Variants in TBL1XR1 observed in about 807,000 individuals in gnomAD.
The protein encoded by TBL1XR1 is F-box-like/WD repeat-containing protein TBL1XR1.
A neutral mutation model predicts 66.9 loss-of-function variants in TBL1XR1; 5 were observed. The ratio of observed to expected loss-of-function variants is 0.07; its 90% CI spans 0.04 to 0.16. TBL1XR1 has a LOEUF of 0.16. TBL1XR1 is among the 10% of genes least tolerant of loss of function. The pLI, the probability that TBL1XR1 is intolerant of heterozygous loss-of-function variation, is 1.00. For synonymous variants in TBL1XR1, 210 were observed against 206.0 expected (o/e 1.02, Z -0.17); for missense variants, 238 against 623.2 (o/e 0.38, Z 6.58).
At chr3:177,195,154 T>G (rs1223089813) in intron 1 of TBL1XR1, among the ~76,000 whole-genome samples, 1 of 152,070 alleles carries the variant, frequency 6.6e-6, no homozygotes, top group Non-Finnish European at 1.5e-5. Context: ...TTTATGAATT[T>G]AATGATTGCG....
intron 2 of TBL1XR1, among the ~76,000 whole-genome samples, chr3:177,080,949 T>C (rs28695188): frequency 0.016 from 2,505 of 152,318 alleles, 89 homozygotes; most frequent in East Asian, 0.058. Flanking sequence ...TTCAAGGATA[T>C]GAGAACCAGT....
chr3:177,065,030 T>C lies in TBL1XR1; in HGVS notation c.-45-8A>G. On this transcript the variant is annotated splice_polypyrimidine_tract_variant and splice_region_variant and intron_variant, in intron 2 of 15. Coordinates refer to ENST00000457928, the MANE Select transcript of TBL1XR1 (RefSeq NM_024665.7). ...ACAACACAGGATATAACCCTAAAAA[T>C]AAAACAAAGTTAATTATTTTCTCAG... 2 of 1,384,396 alleles carry C rather than the reference T, an allele frequency of 1.4e-6. No individual in the cohort carries two copies. The highest frequency in any genetic ancestry group is 1.6e-5 in the South Asian group (1 of 62,188). The allele number at this position is 1,384,396 out of a possible 1,614,324, so 85.8% of individuals were successfully genotyped here. A position where few individuals can be genotyped will look rare whatever the true frequency, so the allele number is the denominator to read the frequency against.
At chr3:177,041,993 C>T (rs1715649904) in intron 10 of TBL1XR1, among the ~76,000 whole-genome samples, 2 of 152,112 alleles carry the variant, frequency 1.3e-5, no homozygotes, top group Admixed American at 6.5e-5. Context: ...CTCTTGGTTA[C>T]CTCCTATTCC....
intron 1 of TBL1XR1, among the ~76,000 whole-genome samples, chr3:177,152,493 G>A (rs1000237415): frequency 3.9e-5 from 6 of 152,230 alleles, no homozygotes; most frequent in Admixed American, 1.3e-4. Flanking sequence ...CGCCATTTTG[G>A]CCAGGCTTGT....
intron 3 of TBL1XR1, among the ~76,000 whole-genome samples, chr3:177,062,389 T>TG (rs1271321547): frequency 1.3e-5 from 2 of 152,212 alleles, no homozygotes; most frequent in Non-Finnish European, 2.9e-5. Context: ...AAGAATCACC[T>TG]GGGGCATTTG....
chr3:177,039,779 A>G (rs1003207554), intron 10 of TBL1XR1, among the ~76,000 whole-genome samples: 29 of 152,292 alleles, frequency 1.9e-4, no homozygotes, highest in African/African-American at 6.5e-4. Flanking sequence ...ATGGGGGAGG[A>G]GGGGATCAAA....
At chr3:177,044,398 AGATAT>A (rs1481617278) in intron 10 of TBL1XR1, among the ~76,000 whole-genome samples, 3 of 152,196 alleles carry the variant, frequency 2.0e-5, no homozygotes, top group African/African-American at 7.2e-5. Context: ...CAGTTGAATA[AGATAT>A]ATTTTGTATA....
intron 2 of TBL1XR1, among the ~76,000 whole-genome samples, chr3:177,072,328 T>C (rs7609876): frequency 0.24 from 35,838 of 152,080 alleles, 4,543 homozygotes; most frequent in East Asian, 0.5. Context: ...ATTACTAAGA[T>C]ATTACTTGCA....
chr3:177,188,558 TTACTC>T (rs1735725858), intron 1 of TBL1XR1, among the ~76,000 whole-genome samples: 2 of 151,870 alleles, frequency 1.3e-5, no homozygotes, highest in South Asian at 2.1e-4. Flanking sequence ...AAAAAAGAAA[TTACTC>T]TATTAAGATA....
At chr3:177,115,644 CTA>C (rs1726219608) in intron 1 of TBL1XR1, among the ~76,000 whole-genome samples, 1 of 152,128 alleles carries the variant, frequency 6.6e-6, no homozygotes, top group Non-Finnish European at 1.5e-5. Context: ...ACTTTGAGGT[CTA>C]CAGCCCAAAT....
chr3:177,157,571 T>C (rs570750857), intron 1 of TBL1XR1, among the ~76,000 whole-genome samples: 1 of 152,350 alleles, frequency 6.6e-6, no homozygotes, highest in South Asian at 2.1e-4. Flanking sequence ...CATCACTCTC[T>C]GCATCAAGGC....
chr3:177,179,376 A>T (rs1280662760), intron 1 of TBL1XR1, among the ~76,000 whole-genome samples: 1 of 152,226 alleles, frequency 6.6e-6, no homozygotes, highest in African/African-American at 2.4e-5. Context: ...TGTTGTACTG[A>T]CATAATTCTC....
At chr3:177,188,976 G>A (rs183364112) in intron 1 of TBL1XR1, among the ~76,000 whole-genome samples, 7 of 152,312 alleles carry the variant, frequency 4.6e-5, no homozygotes, top group Admixed American at 3.3e-4. Flanking sequence ...GGGAGGCCGA[G>A]GCGGGTGGAT....
chr3:177,051,400 G>C, intron 5 of TBL1XR1, 104 bp downstream of exon 5: 1 of 994,092 alleles, frequency 1.0e-6, no homozygotes, highest in Non-Finnish European at 1.5e-6. Context: ...CCTGTGATAT[G>C]AGTTCATCTA....
rs1458141742 is a variant in TBL1XR1 at position 177,023,888 on chromosome 3, T to A, written c.*1610A>T. On this transcript the variant is annotated 3_prime_UTR_variant, in exon 16 of 16. Transcript: ENST00000457928. The stretch of plus-strand genomic sequence containing the variant: ...TTCCTTAATTAAAATCTTCGAGATA[T>A]AAATTTGATGACTATTCTCTTCAGA... 6.6e-6 allele frequency: 1 copy of A among 152,090 alleles called. No individual in the cohort carries two copies. Among genetic ancestry groups the A allele is most frequent in the Non-Finnish European group, 1.5e-5 (1 of 67,920 alleles). The allele number at this position is 152,090 out of a possible 1,614,324, so 9.4% of individuals were successfully genotyped here.
chr3:177,151,406 T>G (rs1730870992), intron 1 of TBL1XR1, among the ~76,000 whole-genome samples: 1 of 152,214 alleles, frequency 6.6e-6, no homozygotes, highest in Non-Finnish European at 1.5e-5. Context: ...CATTACCACC[T>G]GAGTTCCATC....
At chr3:177,101,247 C>T (rs1295289955) in intron 1 of TBL1XR1, among the ~76,000 whole-genome samples, 1 of 152,128 alleles carries the variant, frequency 6.6e-6, no homozygotes, top group Non-Finnish European at 1.5e-5. Flanking sequence ...GTACTGGCTC[C>T]GCCATTGGCT....
chr3:177,083,919 CT>C (rs1721779182), intron 2 of TBL1XR1, among the ~76,000 whole-genome samples: 2 of 151,754 alleles, frequency 1.3e-5, no homozygotes, highest in Admixed American at 1.3e-4. Context: ...GAAACCCCAT[CT>C]CTACTAAAAA....
intron 1 of TBL1XR1, among the ~76,000 whole-genome samples, chr3:177,145,553 T>C (rs186049584): frequency 1.3e-3 from 203 of 152,272 alleles, no homozygotes; most frequent in Non-Finnish European, 2.1e-3. Context: ...ACATCACAAG[T>C]ACTGTGATTT....
Sources: gnomAD v4.1 joint callset for allele counts (sites outside exome capture counted in the v4.1 genomes callset) on GRCh38, gnomAD v4.1.1 for gene constraint, MANE v1.5 for transcripts, NCBI Gene and HGNC (gene_info 2026-07-23, HGNC 2026-07-21) for gene names.